CGGBP1: variants seen among roughly 807,000 people sequenced by gnomAD.
CGGBP1 encodes the protein CGG triplet repeat binding protein 1.
A neutral mutation model predicts 11.4 loss-of-function variants in CGGBP1; 4 were observed. That is an observed-to-expected ratio of 0.35 (90% CI 0.17 to 0.80). CGGBP1 has a LOEUF of 0.80. CGGBP1 is among the 30% of genes least tolerant of loss of function. The pLI is 0.52. For missense variants in CGGBP1, 135 were observed against 202.1 expected (o/e 0.67, Z 2.01); for synonymous variants, 76 against 74.1 (o/e 1.03, Z -0.13).
intron 2 of CGGBP1, chr3:88,140,573 A>G: frequency 6.2e-7 from 1 of 1,613,726 alleles, no homozygotes; most frequent in Non-Finnish European, 8.5e-7. Flanking sequence ...CAAATTCTGA[A>G]AATAATTGTA....
intron 2 of CGGBP1, among the ~76,000 whole-genome samples, chr3:88,094,452 G>C (rs893093906): frequency 6.6e-6 from 1 of 152,076 alleles, no homozygotes; most frequent in Non-Finnish European, 1.5e-5. Flanking sequence ...AAAGTGATCA[G>C]GGGAAAAGAA....
intron 2 of CGGBP1, among the ~76,000 whole-genome samples, chr3:88,071,661 G>A (rs560853991): frequency 3.6e-4 from 51 of 143,492 alleles, no homozygotes; most frequent in Non-Finnish European, 4.3e-4. Flanking sequence ...AAAATTAGCC[G>A]GGCGTGGTGG....
At chr3:88,127,647 G>A (rs111404912) in intron 2 of CGGBP1, among the ~76,000 whole-genome samples, 100 of 152,238 alleles carry the variant, frequency 6.6e-4, no homozygotes, top group Non-Finnish European at 1.2e-3. Flanking sequence ...GAAAGTTTGA[G>A]CTTTTAAGGG....
chr3:88,123,088 A>G (rs563944598), intron 2 of CGGBP1, among the ~76,000 whole-genome samples: 1 of 152,122 alleles, frequency 6.6e-6, no homozygotes, highest in East Asian at 1.9e-4. Context: ...TAAGTTGTGC[A>G]TTCTACAGTA....
chr3:88,067,007 A>G (rs1707238956), intron 2 of CGGBP1, among the ~76,000 whole-genome samples: 4 of 152,192 alleles, frequency 2.6e-5, no homozygotes, highest in Non-Finnish European at 2.9e-5. Context: ...ATGAAATCCT[A>G]AAGTCTAGTA....
intron 2 of CGGBP1, among the ~76,000 whole-genome samples, chr3:88,069,649 G>C (rs906229826): frequency 1.3e-5 from 2 of 152,184 alleles, no homozygotes; most frequent in Admixed American, 1.3e-4. Flanking sequence ...CTGCTACTTA[G>C]ATGGAGAGTC....
chr3:88,131,719 T>C (rs1706475400), intron 2 of CGGBP1, among the ~76,000 whole-genome samples: 1 of 152,172 alleles, frequency 6.6e-6, no homozygotes, highest in South Asian at 2.1e-4. Context: ...CCCTTCCTTC[T>C]AAATAGCGTG....
At chr3:88,141,905 T>TAGC (rs1255628071) in intron 1 of CGGBP1, 2 of 343,858 alleles carry the variant, frequency 5.8e-6, no homozygotes, top group African/African-American at 4.2e-5. Context: ...TGATGATTAA[T>TAGC]AGCAGCAGCA....
At chr3:88,077,714 CAG>C (rs1253985915) in intron 2 of CGGBP1, among the ~76,000 whole-genome samples, 1 of 152,034 alleles carries the variant, frequency 6.6e-6, no homozygotes, top group African/African-American at 2.4e-5. Flanking sequence ...TGTAAACTGA[CAG>C]AATGCAATTT....
intron 2 of CGGBP1, among the ~76,000 whole-genome samples, chr3:88,120,356 T>G (rs1705692330): frequency 6.6e-6 from 1 of 152,202 alleles, no homozygotes; most frequent in African/African-American, 2.4e-5. Context: ...AATGTTTTAT[T>G]TATACTGCTA....
chr3:88,075,283 C>G (rs1559692920), intron 2 of CGGBP1, among the ~76,000 whole-genome samples: 1 of 152,188 alleles, frequency 6.6e-6, no homozygotes, highest in Admixed American at 6.5e-5. Flanking sequence ...TAGTCATTTC[C>G]TTGCAGCCTC....
intron 2 of CGGBP1, among the ~76,000 whole-genome samples, chr3:88,111,256 A>G (rs1448704787): frequency 6.6e-6 from 1 of 152,018 alleles, no homozygotes; most frequent in Non-Finnish European, 1.5e-5. Context: ...AAAAATTACA[A>G]AACGATTAAT....
intron 2 of CGGBP1, among the ~76,000 whole-genome samples, chr3:88,108,601 C>G (rs1428786238): frequency 1.3e-5 from 2 of 152,008 alleles, no homozygotes; most frequent in South Asian, 2.1e-4. Flanking sequence ...GTGCATTATC[C>G]CTTTGTTCAG....
At chr3:88,063,594 T>G (rs2107587954), upstream of CGGBP1, among the ~76,000 whole-genome samples, 1 of 152,320 alleles carries the variant, frequency 6.6e-6, no homozygotes, top group African/African-American at 2.4e-5. Flanking sequence ...TTACTAATTC[T>G]TGCTATTAAT....
At chr3:88,138,556 TA>T in intron 2 of CGGBP1, 1 of 432,952 alleles carries the variant, frequency 2.3e-6, no homozygotes, top group South Asian at 1.3e-4. Flanking sequence ...TTAAAAGAGT[TA>T]AACAAGGCTA....
At chr3:88,106,969 TTGTC>T (rs983302007) in intron 2 of CGGBP1, among the ~76,000 whole-genome samples, 2 of 152,162 alleles carry the variant, frequency 1.3e-5, no homozygotes. Flanking sequence ...ATTAGCCTAT[TTGTC>T]TGTTCGTGTG....
At chr3:88,128,563 C>T (rs1706259099) in intron 2 of CGGBP1, among the ~76,000 whole-genome samples, 1 of 151,906 alleles carries the variant, frequency 6.6e-6, no homozygotes, top group Admixed American at 6.6e-5. Context: ...AATTTTGTTT[C>T]TGTTATTTAC....
chr3:88,121,754 G>C (rs571282294), intron 2 of CGGBP1, among the ~76,000 whole-genome samples: 1 of 152,096 alleles, frequency 6.6e-6, no homozygotes, highest in African/African-American at 2.4e-5. Context: ...CAAAGATTAC[G>C]TTTTTATAAT....
At chr3:88,146,011 A>G (rs1470785930) in intron 1 of CGGBP1, among the ~76,000 whole-genome samples, 1 of 152,206 alleles carries the variant, frequency 6.6e-6, no homozygotes, top group Non-Finnish European at 1.5e-5. Context: ...AATAATCCAC[A>G]TGGGGTCAGA....
Sources: allele counts gnomAD v4.1 joint callset (sites outside exome capture counted in the v4.1 genomes callset), GRCh38; gene constraint gnomAD v4.1.1; transcripts MANE v1.5; gene names NCBI Gene and HGNC (gene_info 2026-07-23, HGNC 2026-07-21).